LPP: variants seen among roughly 807,000 people sequenced by gnomAD.
The protein encoded by LPP is LIM domain containing preferred translocation partner in lipoma, also known as lipoma-preferred partner.
LPP carries 38 observed loss-of-function variants against 60.4 expected under a neutral mutation model. The observed-to-expected ratio is 0.63, with a 90% confidence interval of 0.49 to 0.83. The LOEUF is 0.83. Among genes scored for constraint, LPP ranks in the 40% least tolerant of loss-of-function variants. The probability of loss-of-function intolerance (pLI) is 0.00; values close to 1 mark genes in which losing one functional copy is unlikely to be tolerated. For synonymous variants in LPP, 328 were observed against 290.8 expected (o/e 1.13, Z -1.30); for missense variants, 902 against 783.6 (o/e 1.15, Z -1.80).
intron 3 of LPP, among the ~76,000 whole-genome samples, chr3:188,403,687 A>C (rs1782763143): frequency 6.6e-6 from 1 of 152,224 alleles, no homozygotes; most frequent in Admixed American, 6.5e-5. Flanking sequence ...TTAGAAAAAA[A>C]AAATCATCTG....
At chr3:188,705,588 AT>A (rs1865322998) in intron 7 of LPP, among the ~76,000 whole-genome samples, 1 of 151,856 alleles carries the variant, frequency 6.6e-6, no homozygotes, top group African/African-American at 2.4e-5. Context: ...TCAATATACT[AT>A]GCTATATATA....
chr3:188,584,036 A>C lies in LPP; in HGVS notation c.430-25125A>C, dbSNP rs142878917. ...CCATAATCCTACAAATGTACTATAG[A>C]TATGTGTAAGTACTACATCCCCAAT... is the stretch of plus-strand genomic sequence containing the variant. On this transcript the variant is annotated intron_variant, in intron 6 of 11. Transcript: ENST00000617246. Among the ~76,000 whole-genome samples, 1,041 of 152,230 alleles carry C rather than the reference A, an allele frequency of 6.8e-3. 2 individuals carry two copies. Among genetic ancestry groups the C allele is most frequent in the Non-Finnish European group, 0.011 (754 of 68,028 alleles).
At chr3:188,605,263 G>A (rs553145461) in intron 6 of LPP, among the ~76,000 whole-genome samples, 1 of 152,282 alleles carries the variant, frequency 6.6e-6, no homozygotes, top group Admixed American at 6.5e-5. Flanking sequence ...GCATGGGATT[G>A]TAGTAGTGGA....
At chr3:188,348,553 A>G (rs553161434) in intron 3 of LPP, among the ~76,000 whole-genome samples, 1 of 152,328 alleles carries the variant, frequency 6.6e-6, no homozygotes, top group South Asian at 2.1e-4. Flanking sequence ...TGAGACAGGC[A>G]CAGATGTTCT....
rs75430948 is a variant in LPP, at chr3:188,844,860, A to G, written c.1411-21340A>G. Among the ~76,000 whole-genome samples, 1,390 of 152,296 alleles carry G rather than the reference A, an allele frequency of 9.1e-3. 19 individuals are homozygous for G. Among genetic ancestry groups the G allele is most frequent in the African/African-American group, 0.032 (1,324 of 41,550 alleles). On this transcript the variant is annotated intron_variant, in intron 9 of 11. Transcript: ENST00000617246. ...TGAGAATAATAATGCCAGTTTTTCAAGGTTGCATTGAGGATCTTAGGTAAT... is the reference window on the plus strand; with the variant it reads ...TGAGAATAATAATGCCAGTTTTTCAGGGTTGCATTGAGGATCTTAGGTAAT...
chr3:188,487,471 G>A (rs977236599), intron 5 of LPP, among the ~76,000 whole-genome samples: 14 of 152,178 alleles, frequency 9.2e-5, no homozygotes, highest in African/African-American at 2.9e-4. Flanking sequence ...CAAAATGCCT[G>A]TTGTCATGTT....
chr3:188,522,815 A>ATG (rs1553920216), intron 5 of LPP, among the ~76,000 whole-genome samples: 95 of 136,510 alleles, frequency 7.0e-4, no homozygotes, highest in Middle Eastern at 3.9e-3. Flanking sequence ...ATATATATAT[A>ATG]TGTGTATGTG....
At chr3:188,518,095 G>C (rs1469750721) in intron 5 of LPP, among the ~76,000 whole-genome samples, 1 of 152,138 alleles carries the variant, frequency 6.6e-6, no homozygotes, top group Non-Finnish European at 1.5e-5. Context: ...TGTACAGCCT[G>C]CGGAACCATG....
At chr3:188,581,548 A>G (rs527523329) in intron 6 of LPP, among the ~76,000 whole-genome samples, 1 of 152,116 alleles carries the variant, frequency 6.6e-6, no homozygotes, top group East Asian at 1.9e-4. Flanking sequence ...CTGGTCCTGG[A>G]CTTTACTCAT....
chr3:188,623,089 C>G (rs1292767870), intron 7 of LPP, among the ~76,000 whole-genome samples: 1 of 10,792 alleles, frequency 9.3e-5, no homozygotes, highest in African/African-American at 1.5e-4. Context: ...ATAGACATTG[C>G]CCCCATGATT....
intron 7 of LPP, among the ~76,000 whole-genome samples, chr3:188,693,776 A>G (rs1020158554): frequency 6.6e-6 from 1 of 152,194 alleles, no homozygotes; most frequent in African/African-American, 2.4e-5. Flanking sequence ...AGAATGCTGC[A>G]TAAATGTAGA....
chr3:188,161,143 A>G (rs1014236340), intron 1 of LPP, among the ~76,000 whole-genome samples: 2 of 152,254 alleles, frequency 1.3e-5, no homozygotes, highest in African/African-American at 4.8e-5. Context: ...GCTAAGGATG[A>G]TGGCAGAGGT....
At chr3:188,808,393 G>C (rs534179655) in intron 9 of LPP, among the ~76,000 whole-genome samples, 1 of 152,132 alleles carries the variant, frequency 6.6e-6, no homozygotes, top group African/African-American at 2.4e-5. Flanking sequence ...CAGTGTGGCT[G>C]TGAGTCTCCG....
At chr3:188,318,749 GATTCTTT>G in intron 2 of LPP, among the ~76,000 whole-genome samples, 2 of 133,236 alleles carry the variant, frequency 1.5e-5, no homozygotes, top group East Asian at 5.0e-4. Context: ...AAAAAATTAT[GATTCTTT>G]TTTTTTTTTT....
intron 2 of LPP, among the ~76,000 whole-genome samples, chr3:188,253,854 A>C (rs1039845322): frequency 2.0e-5 from 3 of 152,010 alleles, no homozygotes; most frequent in African/African-American, 7.2e-5. Flanking sequence ...GGCTGCATAA[A>C]TTTTCTGTGA....
At chr3:188,567,403 A>T (rs1054314043) in intron 6 of LPP, among the ~76,000 whole-genome samples, 12 of 152,008 alleles carry the variant, frequency 7.9e-5, no homozygotes, top group African/African-American at 2.9e-4. Context: ...ATTTCTTGAA[A>T]ATTGAAACAC....
chr3:188,402,188 C>A (rs1275424227), intron 3 of LPP, among the ~76,000 whole-genome samples: 2 of 151,850 alleles, frequency 1.3e-5, no homozygotes, highest in African/African-American at 4.8e-5. Context: ...ATTAAATATC[C>A]TAGACAGTAG....
At chr3:188,281,936 A>G (rs1742227370) in intron 2 of LPP, among the ~76,000 whole-genome samples, 1 of 152,162 alleles carries the variant, frequency 6.6e-6, no homozygotes, top group Non-Finnish European at 1.5e-5. Context: ...TTACTTGTAT[A>G]TAATCATTCT....
intron 8 of LPP, chr3:188,725,543 G>T (rs1718061135): frequency 6.6e-6 from 1 of 152,144 alleles, no homozygotes; most frequent in Non-Finnish European, 1.5e-5. Context: ...GTTGTTGCTA[G>T]GGGCTTGTAA....
Sources: gnomAD v4.1 joint callset for allele counts (sites outside exome capture counted in the v4.1 genomes callset) on GRCh38, gnomAD v4.1.1 for gene constraint, MANE v1.5 for transcripts, NCBI Gene and HGNC (gene_info 2026-07-23, HGNC 2026-07-21) for gene names.